IPCEF1: variants seen among roughly 807,000 people sequenced by gnomAD.
The protein encoded by IPCEF1 is interactor protein for cytohesin exchange factors 1.
Under a neutral mutation model 50.9 loss-of-function variants are expected in IPCEF1, and 31 were observed. The ratio of observed to expected loss-of-function variants is 0.61; its 90% CI spans 0.46 to 0.82. IPCEF1 has a LOEUF of 0.82. IPCEF1 is among the 40% of genes least tolerant of loss of function. The probability of loss-of-function intolerance (pLI) is 0.00; values close to 1 mark genes in which losing one functional copy is unlikely to be tolerated. For synonymous variants in IPCEF1, 181 were observed against 192.0 expected (o/e 0.94, Z 0.47); for missense variants, 458 against 514.0 (o/e 0.89, Z 1.05).
At chr6:154,336,125 T>C (rs1783782427) in intron 1 of IPCEF1, among the ~76,000 whole-genome samples, 1 of 152,196 alleles carries the variant, frequency 6.6e-6, no homozygotes, top group Non-Finnish European at 1.5e-5. Context: ...CTTTAAAAAC[T>C]AGAAATAGAA....
intron 10 of IPCEF1, among the ~76,000 whole-genome samples, chr6:154,181,963 T>C (rs1295731094): frequency 1.3e-5 from 2 of 152,156 alleles, no homozygotes; most frequent in Non-Finnish European, 2.9e-5. Flanking sequence ...GAGAACACTC[T>C]AGTTGGGAAA....
In IPCEF1 at chr6:154,155,722, AGT is replaced by A. The variant is rs2128543581; in HGVS notation, c.*4104_*4105del. 1 of 152,382 alleles carries A rather than the reference AGT, an allele frequency of 6.6e-6. No individual in the cohort carries two copies. Among genetic ancestry groups the A allele is most frequent in the South Asian group, 2.1e-4 (1 of 4,818 alleles). The allele number at this position is 152,382 out of a possible 1,614,324, so 9.4% of individuals were successfully genotyped here. A position where few individuals can be genotyped will look rare whatever the true frequency, so the allele number is the denominator to read the frequency against. ...CTTCAACCAGGGAGGCAGAGGTTGCAGTGAGCTAAAATCGTGCCACTGCACTC... is the reference window on the plus strand; with the variant it reads ...CTTCAACCAGGGAGGCAGAGGTTGCAGAGCTAAAATCGTGCCACTGCACTC... On this transcript the variant is annotated 3_prime_UTR_variant, in exon 12 of 12. Transcript: ENST00000367220.
chr6:154,196,051 A>G (rs1776601044), intron 10 of IPCEF1, among the ~76,000 whole-genome samples: 1 of 152,078 alleles, frequency 6.6e-6, no homozygotes, highest in Non-Finnish European at 1.5e-5. Context: ...CGGCCTCACA[A>G]AGTGCTGGGA....
intron 10 of IPCEF1, among the ~76,000 whole-genome samples, chr6:154,175,519 T>C (rs935802577): frequency 6.6e-6 from 1 of 151,430 alleles, no homozygotes; most frequent in Non-Finnish European, 1.5e-5. Flanking sequence ...AAATACAAAC[T>C]ACCATCAGAG....
intron 8 of IPCEF1, chr6:154,213,151 A>G (rs1778103943): frequency 3.0e-6 from 1 of 337,560 alleles, no homozygotes; most frequent in South Asian, 4.1e-5. Flanking sequence ...TAATACCAAG[A>G]GAACACAAAA....
intron 2 of IPCEF1, 74 bp from the exon 3 acceptor site, chr6:154,266,038 G>A: frequency 1.2e-6 from 1 of 824,850 alleles, no homozygotes; most frequent in East Asian, 2.6e-5. Context: ...CTTTGAGTGG[G>A]GAAAGAAAAT....
chr6:154,242,402 G>A (rs1583887177), intron 5 of IPCEF1, among the ~76,000 whole-genome samples: 1 of 152,120 alleles, frequency 6.6e-6, no homozygotes, highest in South Asian at 2.1e-4. Flanking sequence ...CATGGGCAAC[G>A]TAAATGCCGA....
intron 1 of IPCEF1, among the ~76,000 whole-genome samples, chr6:154,336,681 G>A (rs1365147876): frequency 1.3e-5 from 2 of 152,118 alleles, no homozygotes; most frequent in Admixed American, 1.3e-4. Context: ...ACGGCTCACT[G>A]CAGCCTCGAC....
At chr6:154,179,008 T>C (rs1475742466) in intron 10 of IPCEF1, among the ~76,000 whole-genome samples, 1 of 152,204 alleles carries the variant, frequency 6.6e-6, no homozygotes, top group Non-Finnish European at 1.5e-5. Flanking sequence ...AACATATCAC[T>C]AAATACTCAG....
chr6:154,191,670 C>A (rs1801898724), intron 10 of IPCEF1, among the ~76,000 whole-genome samples: 1 of 123,502 alleles, frequency 8.1e-6, no homozygotes, highest in South Asian at 3.0e-4. Context: ...TGAGACTTTG[C>A]CTCAACAACA....
At chr6:154,164,308 T>C (rs913459510) in intron 11 of IPCEF1, among the ~76,000 whole-genome samples, 8 of 152,210 alleles carry the variant, frequency 5.3e-5, no homozygotes, top group Non-Finnish European at 1.2e-4. Context: ...ACTTCTCATA[T>C]GGCTTTTGGC....
intron 1 of IPCEF1, among the ~76,000 whole-genome samples, chr6:154,342,580 C>G (rs1783939668): frequency 6.6e-6 from 1 of 152,034 alleles, no homozygotes; most frequent in South Asian, 2.1e-4. Context: ...CACCACCACA[C>G]CTGGCAATTT....
At chr6:154,340,319 C>T (rs1448412381) in intron 1 of IPCEF1, among the ~76,000 whole-genome samples, 1 of 151,326 alleles carries the variant, frequency 6.6e-6, no homozygotes, top group Non-Finnish European at 1.5e-5. Flanking sequence ...GGTGTGATCT[C>T]GGCTCACTGC....
chr6:154,278,724 T>A (rs565353048), intron 2 of IPCEF1, among the ~76,000 whole-genome samples: 38 of 151,476 alleles, frequency 2.5e-4, no homozygotes, highest in African/African-American at 5.8e-4. Context: ...ATGGTAAAAA[T>A]ATATATATAT....
At position 154,223,173 on chromosome 6, in the gene IPCEF1, T is replaced by C; in HGVS notation, c.317A>G (p.Lys106Arg). 6.8e-6 allele frequency: 11 copies of C among 1,612,576 alleles called. No homozygotes were observed. Among genetic ancestry groups the C allele is most frequent in the Non-Finnish European group, 9.3e-6 (11 of 1,178,858 alleles). Reference sequence around the variant, plus strand: ...TGGAAGATGAGAGACAACTTACTGCTTTTTCTTGCATTCAGATGCTCTTTC... The same window carrying C: ...TGGAAGATGAGAGACAACTTACTGCCTTTTCTTGCATTCAGATGCTCTTTC... ...TVERASECKK[K>R]HAFKISHPQI... The change falls in exon 6 of 12, where the codon AAG (lysine) becomes AGG (arginine). Residue 106 changes from lysine to arginine, a missense_variant. Lys to Arg is a conservative substitution (Grantham distance 26, BLOSUM62 2). Transcript: ENST00000367220.
At chr6:154,336,948 T>C (rs145245990) in intron 1 of IPCEF1, among the ~76,000 whole-genome samples, 60 of 152,238 alleles carry the variant, frequency 3.9e-4, no homozygotes, top group African/African-American at 1.3e-3. Flanking sequence ...AGAGTGACTA[T>C]AGTTAATAAC....
chr6:154,275,144 G>C (rs991867178), intron 2 of IPCEF1, among the ~76,000 whole-genome samples: 3 of 152,144 alleles, frequency 2.0e-5, no homozygotes, highest in African/African-American at 7.2e-5. Flanking sequence ...GCCAGCTCCA[G>C]ATCCAAGGAA....
chr6:154,188,312 T>C (rs1801562218), intron 10 of IPCEF1, among the ~76,000 whole-genome samples: 1 of 152,208 alleles, frequency 6.6e-6, no homozygotes, highest in Non-Finnish European at 1.5e-5. Context: ...AGACTTTTCA[T>C]AGAAAATATA....
intron 2 of IPCEF1, among the ~76,000 whole-genome samples, chr6:154,280,265 C>A (rs1451840740): frequency 1.3e-5 from 2 of 152,106 alleles, no homozygotes; most frequent in Non-Finnish European, 2.9e-5. Context: ...TCATTAATAA[C>A]AACCAGAACA....
Sources: gnomAD v4.1 joint callset for allele counts (sites outside exome capture counted in the v4.1 genomes callset) on GRCh38, gnomAD v4.1.1 for gene constraint, MANE v1.5 for transcripts, NCBI Gene and HGNC (gene_info 2026-07-23, HGNC 2026-07-21) for gene names.